TJP1: variants seen among roughly 807,000 people sequenced by gnomAD.
TJP1 encodes tight junction protein 1.
In TJP1, 43 loss-of-function variants were observed where a neutral mutation model predicts 194.2. The observed-to-expected ratio is 0.22, with a 90% confidence interval of 0.17 to 0.29. The LOEUF is 0.29. Ranked by LOEUF, TJP1 falls within the 10% of genes least tolerant of loss-of-function variation. The pLI, the probability that TJP1 is intolerant of heterozygous loss-of-function variation, is 1.00. For synonymous variants in TJP1, 801 were observed against 779.0 expected, an observed-to-expected ratio of 1.03 and a Z score of -0.47; for missense variants, 1,971 against 2,185.7, an observed-to-expected ratio of 0.90 and a Z score of 1.96.
intron 2 of TJP1, among the ~76,000 whole-genome samples, chr15:29,797,677 AT>A (rs1322945031): frequency 6.6e-6 from 1 of 152,158 alleles, no homozygotes; most frequent in African/African-American, 2.4e-5. Context: ...AAGGAAAAAA[AT>A]ATTTGCAAAT....
At chr15:29,885,719 A>G (rs11856187) in intron 2 of TJP1, among the ~76,000 whole-genome samples, 15 of 152,274 alleles carry the variant, frequency 9.9e-5, no homozygotes, top group African/African-American at 2.7e-4. Flanking sequence ...CTGAAAAATA[A>G]GCAAAATAGA....
intron 1 of TJP1, among the ~76,000 whole-genome samples, chr15:29,959,227 G>A (rs1243684145): frequency 2.0e-5 from 3 of 151,142 alleles, no homozygotes; most frequent in Admixed American, 6.7e-5. Flanking sequence ...CTGACCTCGT[G>A]ATCTGCCCAC....
chr15:29,764,446 A>G (rs2046205819), intron 5 of TJP1, among the ~76,000 whole-genome samples: 1 of 152,216 alleles, frequency 6.6e-6, no homozygotes, highest in Admixed American at 6.5e-5. Context: ...CAAAAGAGTA[A>G]GACAGAAGTG....
intron 1 of TJP1, among the ~76,000 whole-genome samples, chr15:29,807,132 G>C (rs1452527526): frequency 6.6e-6 from 1 of 152,150 alleles, no homozygotes; most frequent in Admixed American, 6.5e-5. Flanking sequence ...CCATCCCTTG[G>C]TTAACAGTTT....
intron 2 of TJP1, among the ~76,000 whole-genome samples, chr15:29,934,411 T>C (rs1434771603): frequency 2.0e-5 from 3 of 152,212 alleles, no homozygotes; most frequent in Non-Finnish European, 4.4e-5. Context: ...CAACAAGGAA[T>C]GTAATGATTC....
chr15:29,898,622 C>T (rs569704655), intron 2 of TJP1, among the ~76,000 whole-genome samples: 13 of 152,106 alleles, frequency 8.5e-5, no homozygotes, highest in African/African-American at 3.1e-4. Context: ...AGGTGGAGCA[C>T]CCCCAGTCTG....
intron 2 of TJP1, among the ~76,000 whole-genome samples, chr15:29,799,874 G>A (rs1238246516): frequency 6.6e-6 from 1 of 152,146 alleles, no homozygotes; most frequent in Non-Finnish European, 1.5e-5. Context: ...AGTGTAAAGT[G>A]CAAGGCCAGT....
Position 29,726,767 on chromosome 15 carries a change from A to G in TJP1, c.2311+14T>C. 6.2e-7 allele frequency: 1 copy of G among 1,612,502 alleles called. No homozygotes were observed. Among genetic ancestry groups the G allele is most frequent in the Non-Finnish European group, 8.5e-7 (1 of 1,178,782 alleles). On this transcript the variant is annotated intron_variant, in intron 17 of 27. Coordinates refer to ENST00000614355, the MANE Select transcript of TJP1 (RefSeq NM_001330239.4). ...CATTGTAAGCTGAAAGAAGGCCTTT[A>G]TTAACATACTCACTTGTAAAAAGAT...
intron 2 of TJP1, among the ~76,000 whole-genome samples, chr15:29,869,795 C>CTTTTTTTTTTTTT (rs11318770): frequency 3.2e-4 from 18 of 56,062 alleles, no homozygotes; most frequent in African/African-American, 4.7e-4. Context: ...TTCTTTCTTT[C>CTTTTTTTTTTTTT]TTTTTTTTTT....
intron 2 of TJP1, among the ~76,000 whole-genome samples, chr15:29,882,630 G>A (rs1045111167): frequency 6.6e-6 from 1 of 152,224 alleles, no homozygotes; most frequent in East Asian, 1.9e-4. Flanking sequence ...TGGATTAAAT[G>A]TGTTGGGCAA....
chr15:29,737,698 TCAAA>T (rs2044129540), intron 10 of TJP1, among the ~76,000 whole-genome samples: 1 of 152,212 alleles, frequency 6.6e-6, no homozygotes, highest in African/African-American at 2.4e-5. Flanking sequence ...TTCTCAACTC[TCAAA>T]GAGTTATGGT....
At chr15:29,851,200 T>C (rs1049149908) in intron 2 of TJP1, among the ~76,000 whole-genome samples, 3 of 151,680 alleles carry the variant, frequency 2.0e-5, no homozygotes, top group South Asian at 2.1e-4. Flanking sequence ...ACCAGCTCTT[T>C]AGGGAAAAAA....
upstream of TJP1, among the ~76,000 whole-genome samples, chr15:29,824,774 G>A (rs1226593683): frequency 6.6e-6 from 1 of 152,152 alleles, no homozygotes; most frequent in East Asian, 1.9e-4. Flanking sequence ...CAAATGCACT[G>A]ACATTTTTCA....
At chr15:29,740,404 C>T (rs2044331102) in intron 10 of TJP1, among the ~76,000 whole-genome samples, 1 of 152,002 alleles carries the variant, frequency 6.6e-6, no homozygotes, top group African/African-American at 2.4e-5. Flanking sequence ...GGTTGGTGGA[C>T]TGCTTGAGCC....
At chr15:29,833,881 A>ATATTTTTTTTTTTTTTTTTTTTTT (rs1555434000) in intron 2 of TJP1, among the ~76,000 whole-genome samples, 1 of 12,618 alleles carries the variant, frequency 7.9e-5, no homozygotes, top group African/African-American at 3.0e-4. Flanking sequence ...ATATATATAT[A>ATATTTTTTTTTTTTTTTTTTTTTT]TTTTTTTTTT....
intron 23 of TJP1, among the ~76,000 whole-genome samples, chr15:29,716,381 C>CA (rs985657419): frequency 9.2e-5 from 14 of 152,162 alleles, no homozygotes; most frequent in African/African-American, 3.4e-4. Flanking sequence ...TGTCTTCCGT[C>CA]AAAACCCTGT....
intron 1 of TJP1, among the ~76,000 whole-genome samples, chr15:29,815,813 A>G (rs561081487): frequency 6.6e-6 from 1 of 152,148 alleles, no homozygotes; most frequent in Non-Finnish European, 1.5e-5. Flanking sequence ...CAGAGTTTAC[A>G]TTTGGTCTCT....
chr15:29,870,095 C>T (rs541918175), intron 2 of TJP1, among the ~76,000 whole-genome samples: 2 of 152,016 alleles, frequency 1.3e-5, no homozygotes, highest in Admixed American at 1.3e-4. Flanking sequence ...ACCGCCCAGC[C>T]TCCCAAAGTG....
chr15:29,762,507 C>A, intron 5 of TJP1, 69 bp from the exon 6 acceptor site: 6 of 1,114,182 alleles, frequency 5.4e-6, no homozygotes, highest in Non-Finnish European at 5.2e-6. Flanking sequence ...TACAAGTATA[C>A]AACTAAACTA....
Sources: gnomAD v4.1 joint callset for allele counts (sites outside exome capture counted in the v4.1 genomes callset) on GRCh38, gnomAD v4.1.1 for gene constraint, MANE v1.5 for transcripts, NCBI Gene and HGNC (gene_info 2026-07-23, HGNC 2026-07-21) for gene names.